The following HHAT variants were observed in gnomAD, a reference collection of about 807,000 sequenced individuals.
The protein encoded by HHAT is protein-cysteine N-palmitoyltransferase HHAT.
Under a neutral mutation model 70.8 loss-of-function variants are expected in HHAT, and 47 were observed. The observed-to-expected ratio is 0.66, with a 90% CI of 0.53 to 0.85. The LOEUF (loss-of-function observed/expected upper bound fraction) is 0.85, where lower values mean the gene tolerates loss of function less well. HHAT is among the 40% of genes least tolerant of loss of function. The probability of loss-of-function intolerance (pLI) is 0.00; values close to 1 mark genes in which losing one functional copy is unlikely to be tolerated. For synonymous variants in HHAT, 228 were observed against 247.6 expected, an observed-to-expected ratio of 0.92 and a Z score of 0.74; for missense variants, 609 against 604.8, an observed-to-expected ratio of 1.01 and a Z score of -0.07.
intron 7 of HHAT, among the ~76,000 whole-genome samples, chr1:210,453,965 G>A (rs2093808286): frequency 6.6e-6 from 1 of 152,224 alleles, no homozygotes; most frequent in African/African-American, 2.4e-5. Context: ...CAGAATCACA[G>A]AGGGAGGTGA....
chr1:210,411,457 C>A (rs527948148), intron 6 of HHAT, among the ~76,000 whole-genome samples: 2 of 152,248 alleles, frequency 1.3e-5, no homozygotes, highest in East Asian at 3.9e-4. Flanking sequence ...TTGCTTCTCT[C>A]CAAGAGTTTG....
intron 8 of HHAT, among the ~76,000 whole-genome samples, chr1:210,486,435 A>C (rs533515636): frequency 2.0e-5 from 3 of 152,184 alleles, no homozygotes; most frequent in Non-Finnish European, 4.4e-5. Context: ...TGAAAGTGCT[A>C]TTCACATTAT....
At chr1:210,537,444 C>T (rs1490079305) in intron 9 of HHAT, among the ~76,000 whole-genome samples, 1 of 152,242 alleles carries the variant, frequency 6.6e-6, no homozygotes, top group East Asian at 1.9e-4. Flanking sequence ...AGACACCCCC[C>T]TTTCCACACC....
At chr1:210,544,367 GTTTTTTTTTT>G (rs569514246) in intron 9 of HHAT, among the ~76,000 whole-genome samples, 3,666 of 90,148 alleles carry the variant, frequency 0.041, 193 homozygotes, top group African/African-American at 0.15. Context: ...TCTTTCTTTC[GTTTTTTTTTT>G]TTTTTTTTTT....
chr1:210,528,237 G>A (rs2148626399), intron 9 of HHAT, among the ~76,000 whole-genome samples: 1 of 152,292 alleles, frequency 6.6e-6, no homozygotes, highest in East Asian at 1.9e-4. Flanking sequence ...CTGGTCATGG[G>A]GAAGGTTCTC....
At chr1:210,444,414 A>G (rs1316602648) in intron 7 of HHAT, among the ~76,000 whole-genome samples, 1 of 142,946 alleles carries the variant, frequency 7.0e-6, no homozygotes, top group Non-Finnish European at 1.6e-5. Context: ...TAGTTTCAGA[A>G]GGAATGGTAC....
rs148274031 is a variant in HHAT at position 210,531,768 on chromosome 1, A to C, written c.1043+18580A>C. Among the ~76,000 whole-genome samples, 13 of 152,342 alleles carry C rather than the reference A, an allele frequency of 8.5e-5. No homozygotes were observed. The East Asian group carries it at 2.5e-3, about 29-fold the overall frequency. ...CTAAAACTTAGTAGGCACTCAGTACATATTTGTGGAATTTGAATCTGATAA... is the reference window on the plus strand; with the variant it reads ...CTAAAACTTAGTAGGCACTCAGTACCTATTTGTGGAATTTGAATCTGATAA... On this transcript the variant is annotated intron_variant, in intron 9 of 11. Coordinates refer to ENST00000261458, the MANE Select transcript of HHAT (RefSeq NM_018194.6).
At chr1:210,390,486 G>T (rs201956332) in intron 4 of HHAT, among the ~76,000 whole-genome samples, 1 of 113,000 alleles carries the variant, frequency 8.8e-6, no homozygotes, top group African/African-American at 3.6e-5. Context: ...ATAAAGATAG[G>T]TCTATTATTG....
chr1:210,375,790 A>G (rs906907150), intron 3 of HHAT, among the ~76,000 whole-genome samples: 1 of 147,928 alleles, frequency 6.8e-6, no homozygotes, highest in Non-Finnish European at 1.5e-5. Flanking sequence ...CTGAGGCTGT[A>G]TTTTTTCAGT....
At chr1:210,384,931 T>C (rs1014461528) in intron 3 of HHAT, among the ~76,000 whole-genome samples, 13 of 152,194 alleles carry the variant, frequency 8.5e-5, no homozygotes, top group African/African-American at 2.9e-4. Flanking sequence ...TCATTTCCCT[T>C]AGGTAACTTT....
chr1:210,642,175 G>A (rs1215431879), intron 11 of HHAT, among the ~76,000 whole-genome samples: 3 of 152,124 alleles, frequency 2.0e-5, no homozygotes, highest in Non-Finnish European at 1.5e-5. Context: ...TTTCTCTTTT[G>A]TGTCTGGCTC....
intron 9 of HHAT, among the ~76,000 whole-genome samples, chr1:210,555,324 G>A (rs1179910948): frequency 3.9e-5 from 6 of 152,198 alleles, no homozygotes; most frequent in Non-Finnish European, 8.8e-5. Context: ...AGCAGGAAGA[G>A]AAAGCGTCAG....
chr1:210,503,863 A>G (rs904540722), intron 8 of HHAT, among the ~76,000 whole-genome samples: 1 of 152,216 alleles, frequency 6.6e-6, no homozygotes, highest in African/African-American at 2.4e-5. Context: ...TACACACCCC[A>G]CGCAAAAAAA....
intron 8 of HHAT, among the ~76,000 whole-genome samples, chr1:210,468,059 T>TA (rs1385633285): frequency 1.3e-5 from 2 of 152,218 alleles, no homozygotes; most frequent in African/African-American, 2.4e-5. Context: ...TCTTTCCTCT[T>TA]AAATCTTCTT....
At chr1:210,549,088 C>G (rs1471682722) in intron 9 of HHAT, among the ~76,000 whole-genome samples, 2 of 152,234 alleles carry the variant, frequency 1.3e-5, no homozygotes, top group Non-Finnish European at 2.9e-5. Flanking sequence ...TGCCTAATCT[C>G]TCTGTGCCTC....
At chr1:210,387,259 G>A (rs979819241) in intron 3 of HHAT, among the ~76,000 whole-genome samples, 1 of 152,160 alleles carries the variant, frequency 6.6e-6, no homozygotes, top group Non-Finnish European at 1.5e-5. Flanking sequence ...CGGTTAGGTT[G>A]GTGCAAAAGT....
chr1:210,504,659 C>T (rs2094819575), intron 8 of HHAT, among the ~76,000 whole-genome samples: 1 of 152,170 alleles, frequency 6.6e-6, no homozygotes, highest in Non-Finnish European at 1.5e-5. Flanking sequence ...GACCCTCCTT[C>T]CTGATGATCT....
chr1:210,449,849 C>T (rs529118250), intron 7 of HHAT, among the ~76,000 whole-genome samples: 23 of 152,298 alleles, frequency 1.5e-4, no homozygotes, highest in Admixed American at 1.5e-3. Context: ...GAAATTTCTA[C>T]TCGCTAATTC....
rs569727902 is a variant in HHAT at position 210,360,423 on chromosome 1, G to T, written c.92-2429G>T. Among the ~76,000 whole-genome samples the T allele has an allele frequency of 9.2e-5, 14 of 151,510 alleles. No homozygotes were observed. In the South Asian group the frequency reaches 2.7e-3, roughly 29 times the overall value. ...CCTCCTGGGTTCAAGCAATTCTCTT[G>T]CCTCAGCCTCCCGAGTAGCTGGGAT... On this transcript the variant is annotated intron_variant, in intron 2 of 11. Transcript: ENST00000261458.
Sources: gnomAD v4.1 joint callset for allele counts (sites outside exome capture counted in the v4.1 genomes callset) on GRCh38, gnomAD v4.1.1 for gene constraint, MANE v1.5 for transcripts, NCBI Gene and HGNC (gene_info 2026-07-23, HGNC 2026-07-21) for gene names.